MED27: variants seen among roughly 807,000 people sequenced by gnomAD.
MED27 encodes mediator complex subunit 27, also known as mediator of RNA polymerase II transcription subunit 27.
In MED27, 30 loss-of-function variants were observed where a neutral mutation model predicts 38.2. The observed-to-expected ratio is 0.79, with a 90% confidence interval of 0.59 to 1.07. The LOEUF (loss-of-function observed/expected upper bound fraction) is 1.07. Ranked by LOEUF, MED27 falls within the 50% of genes least tolerant of loss-of-function variation. The probability of loss-of-function intolerance (pLI) is 0.00; values close to 1 mark genes in which losing one functional copy is unlikely to be tolerated. For synonymous variants in MED27, 122 were observed against 153.5 expected (o/e 0.79, Z 1.52); for missense variants, 289 against 397.5 (o/e 0.73, Z 2.32).
chr9:132,077,463 T>C lies in MED27; in HGVS notation c.327A>G (p.Gln109=), dbSNP rs758747915. 2.5e-6 allele frequency: 4 copies of C among 1,614,110 alleles called. No homozygotes were observed. The East Asian group carries it at 6.7e-5, about 27-fold the overall frequency. Residue 109 remains glutamine, a synonymous_variant, in exon 2 of 8, where the codon CAA becomes CAG. Coordinates refer to ENST00000292035, the MANE Select transcript of MED27 (RefSeq NM_004269.4). ...TTACCTTGTTTGACCACTTATATGC[T>C]TGAAGGAGTTGACTATAGAGAGGAG... ...DKTPLYSQLL[Q]AYKWSNKLQY...
chr9:131,887,870 C>G (rs1839166685), intron 5 of MED27, among the ~76,000 whole-genome samples: 1 of 152,180 alleles, frequency 6.6e-6, no homozygotes, highest in Admixed American at 6.5e-5. Flanking sequence ...GGAGCAGCCT[C>G]CTGGCCTCTG....
Position 131,908,525 on chromosome 9 carries a change from T to C in MED27, c.574-14533A>G, listed in dbSNP as rs545089734. ...ACATGGGAGACTTTTCATTTTGTTC[T>C]GTACTAAGAAAAATTCTTCTGCCTT... On this transcript the variant is annotated intron_variant, in intron 4 of 7. Transcript: ENST00000292035. Among the ~76,000 whole-genome samples the C allele has an allele frequency of 3.1e-3, 469 of 152,342 alleles. 8 individuals are homozygous for C. The highest frequency in any genetic ancestry group is 9.6e-4 in the Non-Finnish European group (65 of 68,014).
At chr9:132,073,652 G>C in intron 2 of MED27, 1 of 1,462,380 alleles carries the variant, frequency 6.8e-7, no homozygotes, top group Non-Finnish European at 8.9e-7. Flanking sequence ...TAAGCAACTG[G>C]ATTCTAATAA....
intron 3 of MED27, among the ~76,000 whole-genome samples, chr9:131,991,899 C>G (rs527935094): frequency 2.0e-4 from 30 of 152,012 alleles, no homozygotes; most frequent in African/African-American, 7.2e-4. Flanking sequence ...GTTTTTGTAT[C>G]TTTAGTAGAG....
intron 4 of MED27, among the ~76,000 whole-genome samples, chr9:131,931,209 CA>C (rs1418153139): frequency 1.3e-5 from 2 of 151,894 alleles, no homozygotes; most frequent in African/African-American, 4.8e-5. Flanking sequence ...TGTGCCACTG[CA>C]CTCCAGCCTG....
intron 5 of MED27, among the ~76,000 whole-genome samples, chr9:131,892,179 A>G (rs1464773323): frequency 2.0e-5 from 3 of 152,200 alleles, no homozygotes; most frequent in African/African-American, 7.2e-5. Flanking sequence ...CTGGGAAGTC[A>G]AGGGGGAAGA....
chr9:131,976,077 GAGA>G (rs1266816007), intron 3 of MED27, among the ~76,000 whole-genome samples: 3 of 152,214 alleles, frequency 2.0e-5, no homozygotes, highest in African/African-American at 4.8e-5. Flanking sequence ...AGGGCACAGA[GAGA>G]AGGACTGACA....
chr9:131,940,333 T>C (rs893368045), intron 3 of MED27, among the ~76,000 whole-genome samples: 2 of 152,250 alleles, frequency 1.3e-5, no homozygotes, highest in Non-Finnish European at 2.9e-5. Context: ...CATATATTTT[T>C]AATAGCTGAG....
Position 132,071,872 on chromosome 9 carries a change from G to A in MED27, c.348+5570C>T, listed in dbSNP as rs577247242. Among the ~76,000 whole-genome samples, 791 of 151,354 alleles carry A rather than the reference G, an allele frequency of 5.2e-3. 14 individuals carry two copies. The highest frequency in any genetic ancestry group is 0.018 in the African/African-American group (731 of 41,218). On this transcript the variant is annotated intron_variant, in intron 2 of 7. Coordinates refer to ENST00000292035, the MANE Select transcript of MED27 (RefSeq NM_004269.4). Reference sequence around the variant, plus strand: ...CATGAACAAGCACACACACACACACGCATAACACGCGCCCCATGGATGAGC... The same window carrying A: ...CATGAACAAGCACACACACACACACACATAACACGCGCCCCATGGATGAGC...
At chr9:131,869,826 G>A (rs1199418807) in intron 6 of MED27, among the ~76,000 whole-genome samples, 3 of 152,164 alleles carry the variant, frequency 2.0e-5, no homozygotes, top group Admixed American at 1.3e-4. Flanking sequence ...GGTGTGTCCC[G>A]TCTCAATGGT....
At chr9:132,053,890 T>C (rs913197953) in intron 2 of MED27, among the ~76,000 whole-genome samples, 2 of 151,906 alleles carry the variant, frequency 1.3e-5, no homozygotes, top group African/African-American at 4.8e-5. Context: ...TATTGTAACA[T>C]GTATTGGGAA....
intron 4 of MED27, among the ~76,000 whole-genome samples, chr9:131,912,577 C>G (rs1830212151): frequency 6.6e-6 from 1 of 152,182 alleles, no homozygotes; most frequent in Admixed American, 6.5e-5. Context: ...AACCTGACTT[C>G]ACTGTGCCAC....
In MED27 at chr9:131,913,776, CA is replaced by C. The variant is rs1830232796; in HGVS notation, c.574-19785del. On this transcript the variant is annotated intron_variant, in intron 4 of 7. Coordinates refer to ENST00000292035, the MANE Select transcript of MED27 (RefSeq NM_004269.4). This position sits in a 1 kb window ranked among gnomAD's most constrained non-coding sequence, Gnocchi z 4.5. ...GAGCCTGCCTCCCGCTTTACCCCAT[CA>C]ATTCTGGGGCGAAACTGACACTTCT... Among the ~76,000 whole-genome samples, 1 of 152,206 alleles carries C rather than the reference CA, an allele frequency of 6.6e-6. No individual in the cohort carries two copies. Among genetic ancestry groups the C allele is most frequent in the Non-Finnish European group, 1.5e-5 (1 of 68,038 alleles).
chr9:131,964,245 A>G (rs1162084474), intron 3 of MED27, among the ~76,000 whole-genome samples: 2 of 85,218 alleles, frequency 2.3e-5, no homozygotes, highest in Non-Finnish European at 4.6e-5. Flanking sequence ...TGTCTGACAG[A>G]GTAATCACTC....
At position 131,989,246 on chromosome 9, in the gene MED27, A is replaced by G. The variant is rs558714122; in HGVS notation, c.479+25091T>C. Among the ~76,000 whole-genome samples the G allele has an allele frequency of 6.6e-5, 10 of 152,348 alleles. No individual in the cohort carries two copies. The Middle Eastern group carries it at 0.017, about 259-fold the overall frequency. On this transcript the variant is annotated intron_variant, in intron 3 of 7. Coordinates refer to ENST00000292035, the MANE Select transcript of MED27 (RefSeq NM_004269.4). ...ATGCTAGAAAAGAACGCTTTTATTT[A>G]TAACACTTTGAAAGGATCCCACTAT...
chr9:131,916,598 T>C (rs912633321), intron 4 of MED27, among the ~76,000 whole-genome samples: 1 of 152,198 alleles, frequency 6.6e-6, no homozygotes. Flanking sequence ...ATAATTTACA[T>C]TGTCTCTTTG....
At chr9:132,037,230 G>T (rs1046234135) in intron 2 of MED27, among the ~76,000 whole-genome samples, 1 of 152,138 alleles carries the variant, frequency 6.6e-6, no homozygotes, top group Non-Finnish European at 1.5e-5. Context: ...GTCACAACGC[G>T]AATAAACACG....
chr9:131,992,317 G>A (rs944984793), intron 3 of MED27, among the ~76,000 whole-genome samples: 3 of 152,150 alleles, frequency 2.0e-5, no homozygotes, highest in Admixed American at 6.5e-5. Context: ...ATGTGAACAT[G>A]GAAAACATCT....
At chr9:131,936,893 G>A (rs1589222079) in intron 4 of MED27, among the ~76,000 whole-genome samples, 2 of 152,340 alleles carry the variant, frequency 1.3e-5, no homozygotes, top group South Asian at 4.1e-4. Context: ...TGCCGAGGGA[G>A]GTAAAGGAAG....
Sources: allele counts gnomAD v4.1 joint callset (sites outside exome capture counted in the v4.1 genomes callset), GRCh38; gene constraint gnomAD v4.1.1; non-coding constraint Gnocchi (gnomAD v3.1); transcripts MANE v1.5; gene names NCBI Gene and HGNC (gene_info 2026-07-23, HGNC 2026-07-21).